Variants in AFG2A observed in about 807,000 individuals in gnomAD.
The protein encoded by AFG2A is ATPase family gene 2 protein homolog A.
the AFG2A span, among the ~76,000 whole-genome samples, chr4:122,974,373 A>G: frequency 1.3e-5 from 2 of 152,196 alleles, no homozygotes; most frequent in Non-Finnish European, 2.9e-5. Context: ...AAGTATTGCC[A>G]GATACTATCT....
the AFG2A span, chr4:122,979,351 A>G: frequency 6.2e-7 from 1 of 1,614,210 alleles, no homozygotes; most frequent in Non-Finnish European, 8.5e-7. Context: ...TATCAGACCC[A>G]GTGCCATGAG....
At chr4:123,045,750 C>G in the AFG2A span, among the ~76,000 whole-genome samples, 12 of 152,222 alleles carry the variant, frequency 7.9e-5, no homozygotes, top group East Asian at 9.6e-4. Context: ...TAAAATTACT[C>G]TTTTTCCTGT....
At chr4:122,985,882 C>T in the AFG2A span, among the ~76,000 whole-genome samples, 1 of 151,412 alleles carries the variant, frequency 6.6e-6, no homozygotes. Context: ...AGTTTGTGCT[C>T]TTTCAGACCT....
At chr4:123,085,926 A>G in the AFG2A span, among the ~76,000 whole-genome samples, 17 of 151,996 alleles carry the variant, frequency 1.1e-4, no homozygotes, top group Admixed American at 1.1e-3. Context: ...ACTTTCAAAT[A>G]GCCCTATTCA....
the AFG2A span, among the ~76,000 whole-genome samples, chr4:123,183,675 A>G: frequency 6.6e-6 from 1 of 152,196 alleles, no homozygotes; most frequent in Non-Finnish European, 1.5e-5. Context: ...CTAACACAAT[A>G]AAAGAAAAAT....
At chr4:123,150,064 A>G in the AFG2A span, among the ~76,000 whole-genome samples, 1 of 152,130 alleles carries the variant, frequency 6.6e-6, no homozygotes, top group Non-Finnish European at 1.5e-5. Context: ...GCCTCCGATA[A>G]AGCTCAACAC....
the AFG2A span, among the ~76,000 whole-genome samples, chr4:123,107,810 G>A: frequency 1.3e-5 from 2 of 152,208 alleles, no homozygotes; most frequent in Admixed American, 6.5e-5. Context: ...CTGGGGGCTG[G>A]CATCTCAGTG....
chr4:122,929,135 C>T, the AFG2A span: 6 of 1,613,244 alleles, frequency 3.7e-6, no homozygotes, highest in South Asian at 3.3e-5. Flanking sequence ...CTGGTGATGC[C>T]ATCCAGGTCC....
chr4:123,022,693 C>T, the AFG2A span, among the ~76,000 whole-genome samples: 135 of 150,658 alleles, frequency 9.0e-4, 6 homozygotes, highest in Non-Finnish European at 3.7e-4. Flanking sequence ...GGGTATATAC[C>T]CAAAGGACTA....
the AFG2A span, among the ~76,000 whole-genome samples, chr4:123,293,005 C>T: frequency 0.72 from 109,623 of 152,036 alleles, 40,780 homozygotes; most frequent in Non-Finnish European, 0.81. Context: ...CACCTCAGCT[C>T]CTCTTCCAGA....
the AFG2A span, among the ~76,000 whole-genome samples, chr4:123,192,019 G>A: frequency 6.6e-6 from 1 of 151,402 alleles, no homozygotes; most frequent in Non-Finnish European, 1.5e-5. Context: ...AAATCATATA[G>A]TCTTTTCTTC....
At chr4:123,223,102 A>G in the AFG2A span, among the ~76,000 whole-genome samples, 2 of 152,124 alleles carry the variant, frequency 1.3e-5, no homozygotes, top group African/African-American at 4.8e-5. Flanking sequence ...TAATTTTTTG[A>G]GGAACGTTCT....
the AFG2A span, among the ~76,000 whole-genome samples, chr4:123,120,078 G>C: frequency 6.6e-6 from 1 of 152,070 alleles, no homozygotes; most frequent in Admixed American, 6.6e-5. Flanking sequence ...TGAGATTTGG[G>C]TGTGGACACA....
the AFG2A span, among the ~76,000 whole-genome samples, chr4:123,034,023 C>T: frequency 1.3e-5 from 2 of 152,156 alleles, no homozygotes; most frequent in African/African-American, 4.8e-5. Flanking sequence ...AGGTTAACAT[C>T]TTCAGTGATA....
At chr4:123,238,869 C>T in the AFG2A span, among the ~76,000 whole-genome samples, 1 of 151,966 alleles carries the variant, frequency 6.6e-6, no homozygotes, top group Non-Finnish European at 1.5e-5. Flanking sequence ...TTCAGAAGGT[C>T]AATAATAACA....
At chr4:123,268,876 G>T in the AFG2A span, among the ~76,000 whole-genome samples, 1 of 152,134 alleles carries the variant, frequency 6.6e-6, no homozygotes, top group Non-Finnish European at 1.5e-5. Context: ...TCCTGGAAAA[G>T]ATATTTTTAA....
the AFG2A span, among the ~76,000 whole-genome samples, chr4:123,102,512 T>C: frequency 6.6e-6 from 1 of 152,014 alleles, no homozygotes. Context: ...CTTTTAACTA[T>C]TTTTTAATGA....
the AFG2A span, among the ~76,000 whole-genome samples, chr4:123,016,666 C>T: frequency 5.3e-5 from 8 of 151,500 alleles, no homozygotes; most frequent in East Asian, 3.9e-4. Context: ...GGGCTCCTCA[C>T]GTCCCAGACG....
the AFG2A span, among the ~76,000 whole-genome samples, chr4:123,223,917 G>A: frequency 6.6e-6 from 1 of 152,102 alleles, no homozygotes; most frequent in African/African-American, 2.4e-5. Context: ...AAACTTTTTA[G>A]TTTGATACAG....
Sources: gnomAD v4.1 joint callset for allele counts (sites outside exome capture counted in the v4.1 genomes callset) on GRCh38, gnomAD v4.1.1 for gene constraint, MANE v1.5 for transcripts, NCBI Gene and HGNC (gene_info 2026-07-23, HGNC 2026-07-21) for gene names.